Variants in CDH12 observed in about 807,000 individuals in gnomAD.
CDH12 encodes cadherin 12, also known as cadherin-12.
CDH12 carries 41 observed loss-of-function variants against 74.1 expected under a neutral mutation model. That is an observed-to-expected ratio of 0.55 (90% confidence interval 0.43 to 0.72). The LOEUF (loss-of-function observed/expected upper bound fraction) is 0.72, where lower values mean the gene tolerates loss of function less well. CDH12 is among the 30% of genes least tolerant of loss of function. The pLI, the probability that CDH12 is intolerant of heterozygous loss-of-function variation, is 0.00. For synonymous variants in CDH12, 399 were observed against 355.0 expected, an observed-to-expected ratio of 1.12 and a Z score of -1.39; for missense variants, 945 against 977.2, an observed-to-expected ratio of 0.97 and a Z score of 0.44.
intron 3 of CDH12, among the ~76,000 whole-genome samples, chr5:22,336,497 C>T (rs1739587072): frequency 6.6e-6 from 1 of 152,214 alleles, no homozygotes; most frequent in Non-Finnish European, 1.5e-5. Context: ...GGCCCAGGGT[C>T]CTTGTGCTGT....
chr5:22,016,602 TCTCA>T (rs1052743057), intron 5 of CDH12, among the ~76,000 whole-genome samples: 6 of 152,064 alleles, frequency 3.9e-5, no homozygotes, highest in Admixed American at 1.3e-4. Flanking sequence ...GCCAGGATGA[TCTCA>T]CTCTCTTGAC....
intron 7 of CDH12, among the ~76,000 whole-genome samples, chr5:21,853,251 C>T (rs1270638681): frequency 1.3e-5 from 2 of 151,498 alleles, no homozygotes; most frequent in Non-Finnish European, 3.0e-5. Context: ...TCTCATCATG[C>T]ACTCACTTTT....
At chr5:22,599,665 T>G (rs1008906767) in intron 1 of CDH12, among the ~76,000 whole-genome samples, 6 of 152,124 alleles carry the variant, frequency 3.9e-5, no homozygotes, top group Non-Finnish European at 7.4e-5. Context: ...TATGAAATAT[T>G]TGATGGAACT....
intron 2 of CDH12, among the ~76,000 whole-genome samples, chr5:22,462,495 G>T (rs1319682410): frequency 6.6e-6 from 1 of 152,166 alleles, no homozygotes; most frequent in Non-Finnish European, 1.5e-5. Context: ...GACTCAGGTA[G>T]TCGGATCAAA....
intron 3 of CDH12, among the ~76,000 whole-genome samples, chr5:22,328,934 G>A (rs986566654): frequency 1.3e-5 from 2 of 152,066 alleles, no homozygotes; most frequent in Non-Finnish European, 2.9e-5. Flanking sequence ...GGAATTTTGA[G>A]CCCACTAAAA....
At chr5:22,615,859 T>G (rs427692) in intron 1 of CDH12, among the ~76,000 whole-genome samples, 51,422 of 151,916 alleles carry the variant, frequency 0.34, 9,179 homozygotes, top group African/African-American at 0.44. Flanking sequence ...ATGTGTAAGC[T>G]TTGAGGGGGT....
chr5:22,840,769 T>C (rs937899724), intron 1 of CDH12, among the ~76,000 whole-genome samples: 13 of 152,178 alleles, frequency 8.5e-5, no homozygotes, highest in African/African-American at 3.1e-4. Flanking sequence ...TATTATACAG[T>C]TTTATACAAT....
chr5:21,984,474 G>C (rs1042541491), intron 5 of CDH12, among the ~76,000 whole-genome samples: 1 of 152,124 alleles, frequency 6.6e-6, no homozygotes, highest in African/African-American at 2.4e-5. Context: ...CTCTTTCAGA[G>C]CTGTGCCTTC....
chr5:22,267,709 T>C (rs1736191283), intron 3 of CDH12, among the ~76,000 whole-genome samples: 1 of 152,130 alleles, frequency 6.6e-6, no homozygotes, highest in Non-Finnish European at 1.5e-5. Flanking sequence ...GATAGACGGC[T>C]GGGGGTCTTC....
chr5:22,082,112 TCA>T (rs1376813900), intron 4 of CDH12, among the ~76,000 whole-genome samples: 5 of 152,186 alleles, frequency 3.3e-5, no homozygotes, highest in Admixed American at 2.6e-4. Context: ...TAAGCCCATA[TCA>T]TGGGACTGTA....
chr5:22,704,156 T>C (rs988996239), intron 1 of CDH12, among the ~76,000 whole-genome samples: 3 of 152,136 alleles, frequency 2.0e-5, no homozygotes, highest in African/African-American at 2.4e-5. Context: ...TTGTAAAAGT[T>C]TTGCAGCTGA....
chr5:21,883,133 A>C (rs1382909465), intron 6 of CDH12: 2 of 1,561,002 alleles, frequency 1.3e-6, no homozygotes, highest in East Asian at 4.5e-5. Context: ...GAGACAAAGA[A>C]ATTGGCAATA....
At chr5:21,847,074 A>G (rs1052195071) in intron 7 of CDH12, among the ~76,000 whole-genome samples, 1 of 152,090 alleles carries the variant, frequency 6.6e-6, no homozygotes, top group Non-Finnish European at 1.5e-5. Flanking sequence ...AAGCCAGGTC[A>G]CAGAGCTCCT....
At chr5:22,363,729 A>C (rs1740916863) in intron 3 of CDH12, among the ~76,000 whole-genome samples, 1 of 152,182 alleles carries the variant, frequency 6.6e-6, no homozygotes, top group Non-Finnish European at 1.5e-5. Flanking sequence ...CAAGGCACTA[A>C]AAAAATGCAT....
chr5:22,562,243 G>A (rs537311860), intron 1 of CDH12, among the ~76,000 whole-genome samples: 1 of 152,158 alleles, frequency 6.6e-6, no homozygotes, highest in African/African-American at 2.4e-5. Context: ...CGTGAACCCG[G>A]GAGGTGGAGC....
At chr5:22,767,191 A>G (rs1001135707) in intron 1 of CDH12, among the ~76,000 whole-genome samples, 3 of 152,044 alleles carry the variant, frequency 2.0e-5, no homozygotes, top group African/African-American at 7.2e-5. Flanking sequence ...TAAAATCATG[A>G]TATCTTTTGA....
intron 2 of CDH12, among the ~76,000 whole-genome samples, chr5:22,429,344 G>A (rs1161109583): frequency 4.0e-5 from 6 of 151,542 alleles, no homozygotes; most frequent in African/African-American, 1.5e-4. Context: ...TTGCCATGTT[G>A]CCCAGGTTGT....
intron 5 of CDH12, among the ~76,000 whole-genome samples, chr5:22,054,827 T>G (rs1347414776): frequency 6.6e-6 from 1 of 151,954 alleles, no homozygotes; most frequent in Non-Finnish European, 1.5e-5. Context: ...AAGCCAAGAA[T>G]AGGCTACAGG....
intron 4 of CDH12, among the ~76,000 whole-genome samples, chr5:22,169,648 C>T (rs1580352494): frequency 6.6e-6 from 1 of 151,012 alleles, no homozygotes; most frequent in Non-Finnish European, 1.5e-5. Context: ...TCTATGGCTA[C>T]ATTTTATCAT....
Sources: gnomAD v4.1 joint callset for allele counts (sites outside exome capture counted in the v4.1 genomes callset) on GRCh38, gnomAD v4.1.1 for gene constraint, MANE v1.5 for transcripts, NCBI Gene and HGNC (gene_info 2026-07-23, HGNC 2026-07-21) for gene names.